The following PTPRK variants were observed in gnomAD, a reference collection of about 807,000 sequenced individuals.
The protein encoded by PTPRK is protein tyrosine phosphatase receptor type K.
In PTPRK, 75 loss-of-function variants were observed where a neutral mutation model predicts 178.0. The ratio of observed to expected loss-of-function variants is 0.42; its 90% confidence interval spans 0.35 to 0.51. The LOEUF (loss-of-function observed/expected upper bound fraction) is 0.51. Among genes scored for constraint, PTPRK ranks in the 20% least tolerant of loss-of-function variants. The pLI, the probability that PTPRK is intolerant of heterozygous loss-of-function variation, is 0.02. For missense variants in PTPRK, 1,441 were observed against 1,797.8 expected, an observed-to-expected ratio of 0.80 and a Z score of 3.59; for synonymous variants, 637 against 620.6, an observed-to-expected ratio of 1.03 and a Z score of -0.39.
At chr6:128,401,106 T>C (rs532694173) in intron 1 of PTPRK, among the ~76,000 whole-genome samples, 56 of 152,180 alleles carry the variant, frequency 3.7e-4, no homozygotes, top group Admixed American at 1.2e-3. Context: ...AGACTGCTAA[T>C]TCCTCTACGC....
intron 7 of PTPRK, among the ~76,000 whole-genome samples, chr6:128,152,179 G>A (rs181436655): frequency 8.5e-5 from 13 of 152,148 alleles, no homozygotes; most frequent in South Asian, 4.1e-4. Context: ...ATTAAATGCC[G>A]TTGATTTTTC....
intron 1 of PTPRK, among the ~76,000 whole-genome samples, chr6:128,470,790 C>T (rs1229174559): frequency 1.4e-5 from 2 of 138,662 alleles, no homozygotes; most frequent in African/African-American, 2.7e-5. Flanking sequence ...GAAGCCTTTC[C>T]TGCAAACTAT....
chr6:128,125,495 T>C (rs1793188601), intron 7 of PTPRK, among the ~76,000 whole-genome samples: 1 of 151,882 alleles, frequency 6.6e-6, no homozygotes, highest in Non-Finnish European at 1.5e-5. Flanking sequence ...GTACAGCCTG[T>C]GGAACTGGGA....
intron 2 of PTPRK, among the ~76,000 whole-genome samples, chr6:128,359,124 G>A (rs1376642164): frequency 6.6e-6 from 1 of 152,176 alleles, no homozygotes; most frequent in East Asian, 1.9e-4. Context: ...CTCACTGGAG[G>A]GCAACCATAC....
At chr6:128,441,483 A>G (rs920441382) in intron 1 of PTPRK, among the ~76,000 whole-genome samples, 2 of 152,146 alleles carry the variant, frequency 1.3e-5, no homozygotes, top group Admixed American at 1.3e-4. Context: ...AATTAAAACA[A>G]TTGGCAAACA....
chr6:128,261,329 C>A (rs569615802), intron 3 of PTPRK, among the ~76,000 whole-genome samples: 1 of 152,038 alleles, frequency 6.6e-6, no homozygotes, highest in Non-Finnish European at 1.5e-5. Flanking sequence ...TTCTAGAGGG[C>A]AAAAGATGTT....
chr6:128,461,231 CGTGTGT>C lies in PTPRK; in HGVS notation c.100+59022_100+59027del, dbSNP rs144928884. Among the ~76,000 whole-genome samples the C allele has an allele frequency of 1.2e-4, 17 of 147,072 alleles. No homozygotes were observed. In the South Asian group the frequency reaches 2.2e-3, roughly 19 times the overall value. ...AAAAATGTTTTATCTTTTGTTATTC[CGTGTGT>C]GTGTGTGTGTGTGTGTGTGTGAAAT... On this transcript the variant is annotated intron_variant, in intron 1 of 29. Transcript: ENST00000368226.
chr6:128,077,215 T>A (rs1783990394), intron 11 of PTPRK, among the ~76,000 whole-genome samples: 1 of 151,996 alleles, frequency 6.6e-6, no homozygotes, highest in Non-Finnish European at 1.5e-5. Context: ...TGATTACTTG[T>A]CAATAGGAAA....
chr6:128,062,577 A>T (rs941352602), intron 13 of PTPRK: 2 of 167,108 alleles, frequency 1.2e-5, no homozygotes, highest in Non-Finnish European at 2.9e-5. Flanking sequence ...ACTGTCTAAC[A>T]TAAGTTATGT....
At chr6:127,989,724 C>T (rs762489069) in intron 21 of PTPRK, among the ~76,000 whole-genome samples, 12 of 151,724 alleles carry the variant, frequency 7.9e-5, no homozygotes, top group Non-Finnish European at 1.6e-4. Context: ...AAAGTTCTTG[C>T]TGATTTGGAA....
At chr6:128,503,021 T>C (rs904338673) in intron 1 of PTPRK, among the ~76,000 whole-genome samples, 1 of 151,952 alleles carries the variant, frequency 6.6e-6, no homozygotes, top group African/African-American at 2.4e-5. Flanking sequence ...AGGTCAGGAG[T>C]TCGAGACCAG....
chr6:128,278,763 G>T (rs568001625), intron 3 of PTPRK, among the ~76,000 whole-genome samples: 1 of 151,966 alleles, frequency 6.6e-6, no homozygotes, highest in Non-Finnish European at 1.5e-5. Context: ...AAAAAACATC[G>T]AATGCACTGT....
At chr6:128,352,038 C>T (rs533069551) in intron 2 of PTPRK, among the ~76,000 whole-genome samples, 3 of 151,856 alleles carry the variant, frequency 2.0e-5, no homozygotes, top group African/African-American at 4.8e-5. Flanking sequence ...AGGTGGATCA[C>T]GAGGTCAGGA....
intron 1 of PTPRK, among the ~76,000 whole-genome samples, chr6:128,418,691 T>C (rs2128385163): frequency 6.6e-6 from 1 of 152,102 alleles, no homozygotes; most frequent in East Asian, 1.9e-4. Context: ...CATAAGCATA[T>C]GTCCACCGTA....
At chr6:128,492,610 T>G (rs1268535771) in intron 1 of PTPRK, among the ~76,000 whole-genome samples, 2 of 152,182 alleles carry the variant, frequency 1.3e-5, no homozygotes, top group African/African-American at 4.8e-5. Context: ...TTGAAGTATT[T>G]AATAAGTAAA....
At chr6:128,508,189 T>C (rs1002066682) in intron 1 of PTPRK, among the ~76,000 whole-genome samples, 1 of 152,242 alleles carries the variant, frequency 6.6e-6, no homozygotes, top group Admixed American at 6.5e-5. Flanking sequence ...TGGGCAGCGA[T>C]GCAAATATTA....
chr6:127,996,545 C>T (rs1451827135), intron 17 of PTPRK, among the ~76,000 whole-genome samples: 2 of 152,116 alleles, frequency 1.3e-5, no homozygotes, highest in African/African-American at 2.4e-5. Context: ...AGTCTCTGCT[C>T]GCTGCAACCT....
intron 1 of PTPRK, among the ~76,000 whole-genome samples, chr6:128,457,872 A>G (rs573945431): frequency 6.6e-6 from 1 of 152,160 alleles, no homozygotes; most frequent in South Asian, 2.1e-4. Flanking sequence ...TTATTCTACC[A>G]CCTACAGTGT....
At chr6:128,237,467 C>T (rs543569741) in intron 5 of PTPRK, among the ~76,000 whole-genome samples, 29 of 152,122 alleles carry the variant, frequency 1.9e-4, no homozygotes, top group Non-Finnish European at 4.1e-4. Context: ...CCATGCAAAA[C>T]GAATTACAAG....
Sources: gnomAD v4.1 joint callset for allele counts (sites outside exome capture counted in the v4.1 genomes callset) on GRCh38, gnomAD v4.1.1 for gene constraint, MANE v1.5 for transcripts, NCBI Gene and HGNC (gene_info 2026-07-23, HGNC 2026-07-21) for gene names.